The following ZNF782 variants were observed in gnomAD, a reference collection of about 807,000 sequenced individuals.
The protein encoded by ZNF782 is zinc finger protein 782.
ZNF782 carries 12 observed loss-of-function variants against 13.0 expected under a neutral mutation model. The observed-to-expected ratio is 0.92, with a 90% confidence interval of 0.59 to 1.50. The LOEUF (loss-of-function observed/expected upper bound fraction) is 1.50, where lower values mean the gene tolerates loss of function less well. ZNF782 is among the 40% of genes most tolerant of loss of function. ZNF782 has a pLI of 0.00. For synonymous variants in ZNF782, 284 were observed against 283.0 expected, an observed-to-expected ratio of 1.00 and a Z score of -0.04; for missense variants, 770 against 822.9, an observed-to-expected ratio of 0.94 and a Z score of 0.79.
chr9:96,922,826 T>C, the ZNF782 span, among the ~76,000 whole-genome samples: 1 of 150,950 alleles, frequency 6.6e-6, no homozygotes, highest in Non-Finnish European at 1.5e-5. Flanking sequence ...ACTAACCACA[T>C]GACAAAAGAC....
chr9:96,818,891 T>G lies in ZNF782; in HGVS notation c.1132A>C (p.Asn378His). 1 of 1,614,214 alleles carries G rather than the reference T, an allele frequency of 6.2e-7. No individual in the cohort carries two copies. The highest frequency in any genetic ancestry group is 8.5e-7 in the Non-Finnish European group (1 of 1,180,020). ...TTCTGAGGCCAAATCAAGTGTGAAT[T>G]CATAGAGCAGGATTTCCCACATTCA... ...YNECGKSCSM[N>H]SHLIWPQKSH... The change falls in exon 6 of 6, where the codon AAT (asparagine) becomes CAT (histidine). Residue 378 changes from asparagine (N) to histidine (H), a missense_variant. Coordinates refer to ENST00000481138, the MANE Select transcript of ZNF782 (RefSeq NM_001001662.3).
At chr9:96,835,368 T>C (rs1472554409) in intron 4 of ZNF782, among the ~76,000 whole-genome samples, 1 of 152,214 alleles carries the variant, frequency 6.6e-6, no homozygotes, top group African/African-American at 2.4e-5. Context: ...AAGATATCCA[T>C]TGATGTGGCT....
At chr9:96,843,752 T>G (rs1157511176) in intron 4 of ZNF782, among the ~76,000 whole-genome samples, 1 of 152,206 alleles carries the variant, frequency 6.6e-6, no homozygotes, top group Non-Finnish European at 1.5e-5. Context: ...CAATTTTTGC[T>G]AATTCCCATA....
intron 5 of ZNF782, among the ~76,000 whole-genome samples, chr9:96,826,337 G>A (rs1051292588): frequency 1.3e-5 from 2 of 151,848 alleles, no homozygotes; most frequent in Non-Finnish European, 2.9e-5. Flanking sequence ...CTCATAGGTG[G>A]GAATTGAACA....
the ZNF782 span, among the ~76,000 whole-genome samples, chr9:96,922,425 G>C: frequency 6.6e-6 from 1 of 152,194 alleles, no homozygotes; most frequent in Non-Finnish European, 1.5e-5. Context: ...GTCGTGGTCT[G>C]TCTTCTACTT....
In ZNF782 at chr9:96,818,700, C is replaced by A. The variant is rs1243128894; in HGVS notation, c.1323G>T (p.Gln441His). 1 of 1,613,996 alleles carries A rather than the reference C, an allele frequency of 6.2e-7. No homozygotes were observed. Among genetic ancestry groups the A allele is most frequent in the African/African-American group, 1.3e-5 (1 of 74,890 alleles). The stretch of plus-strand genomic sequence containing the variant: ...ATGGTTTCTCCCCTGTGTGGGTTCT[C>A]TGGTGTATTCTTAGGCCTGACTTTG... The part of the protein sequence containing the change: ...FSAKSGLRIH[Q>H]RTHTGEKPFE... Residue 441 changes from glutamine to histidine, a missense_variant, in exon 6 of 6, where the codon CAG (glutamine) becomes CAT (histidine). Gln to His is a conservative substitution (Grantham distance 24). Transcript: ENST00000481138.
chr9:96,847,513 A>C (rs1851375613), intron 3 of ZNF782, among the ~76,000 whole-genome samples: 1 of 152,326 alleles, frequency 6.6e-6, no homozygotes, highest in South Asian at 2.1e-4. Context: ...AATACAAAAG[A>C]TCTTTCAAGA....
chr9:96,889,566 A>C, the ZNF782 span: 1 of 152,256 alleles, frequency 6.6e-6, no homozygotes, highest in Admixed American at 6.5e-5. Context: ...CGTCCGGCTA[A>C]TTCTTTGTAT....
Position 96,819,318 on chromosome 9 carries a change from AC to A in ZNF782, c.704del (p.Ser235IlefsTer30). ...LEKAALVTSN[S>X]THPKGKSYNF... Reference sequence around the variant, plus strand: ...TGTAAGATTTTCCTTTTGGGTGGGTACTGTTAGATGTAACAAGGGCAGCCTT... The same window carrying A: ...TGTAAGATTTTCCTTTTGGGTGGGTATGTTAGATGTAACAAGGGCAGCCTT... On this transcript the variant is annotated frameshift_variant, in exon 6 of 6. Coordinates refer to ENST00000481138, the MANE Select transcript of ZNF782 (RefSeq NM_001001662.3). LOFTEE classifies it low-confidence loss of function (END_TRUNC). 1 of 1,610,630 alleles carries A rather than the reference AC, an allele frequency of 6.2e-7. No homozygotes were observed. Among genetic ancestry groups the A allele is most frequent in the East Asian group, 2.2e-5 (1 of 44,876 alleles).
the ZNF782 span, chr9:96,889,279 G>C: frequency 6.6e-6 from 1 of 152,148 alleles, no homozygotes; most frequent in Admixed American, 6.5e-5. Flanking sequence ...CATGACACCA[G>C]GAAGCAGGCA....
chr9:96,922,851 C>T, the ZNF782 span, among the ~76,000 whole-genome samples: 17,067 of 133,194 alleles, frequency 0.13, no homozygotes, highest in African/African-American at 0.19. Flanking sequence ...CGAAGAAACA[C>T]ATCTTACTGC....
the ZNF782 span, among the ~76,000 whole-genome samples, chr9:96,926,750 T>G: frequency 2.0e-5 from 3 of 152,166 alleles, no homozygotes; most frequent in South Asian, 4.1e-4. Flanking sequence ...TGCCTGCCCC[T>G]GCAGTGTGGC....
chr9:96,867,787 A>C (rs189476728), intron 1 of ZNF782, among the ~76,000 whole-genome samples: 4 of 152,326 alleles, frequency 2.6e-5, no homozygotes, highest in African/African-American at 9.6e-5. Flanking sequence ...TGGGTGCATT[A>C]GAGGCTGTCA....
chr9:96,910,908 T>A, the ZNF782 span, among the ~76,000 whole-genome samples: 1 of 150,130 alleles, frequency 6.7e-6, no homozygotes, highest in East Asian at 2.0e-4. Flanking sequence ...AGTGCTGGGA[T>A]TACAGGCGTG....
At chr9:96,869,922 T>TGTGC (rs1851804480) in intron 1 of ZNF782, among the ~76,000 whole-genome samples, 1 of 152,192 alleles carries the variant, frequency 6.6e-6, no homozygotes, top group Non-Finnish European at 1.5e-5. Context: ...TTTGCAAAAG[T>TGTGC]GTGCATTCAT....
the ZNF782 span, among the ~76,000 whole-genome samples, chr9:96,920,107 A>G: frequency 6.7e-6 from 1 of 150,246 alleles, no homozygotes; most frequent in Non-Finnish European, 1.5e-5. Context: ...AACCTGATGC[A>G]CTGCCAAAAG....
the ZNF782 span, chr9:96,892,977 GACTCTCATAAC>G: frequency 7.2e-5 from 11 of 151,774 alleles, no homozygotes; most frequent in African/African-American, 2.4e-4. Context: ...TTCAGACAGT[GACTCTCATAAC>G]ACCCTCGGAG....
At chr9:96,842,436 G>C (rs1230546094) in intron 4 of ZNF782, among the ~76,000 whole-genome samples, 1 of 151,950 alleles carries the variant, frequency 6.6e-6, no homozygotes, top group Non-Finnish European at 1.5e-5. Flanking sequence ...TACAAGTACA[G>C]CCAACTGATT....
At chr9:96,921,176 CT>C in the ZNF782 span, among the ~76,000 whole-genome samples, 368 of 134,378 alleles carry the variant, frequency 2.7e-3, 4 homozygotes, top group Non-Finnish European at 2.6e-3. Flanking sequence ...AGAGTGTGGA[CT>C]TTTTTTTTTT....
Sources: gnomAD v4.1 joint callset for allele counts (sites outside exome capture counted in the v4.1 genomes callset) on GRCh38, gnomAD v4.1.1 for gene constraint, MANE v1.5 for transcripts, NCBI Gene and HGNC (gene_info 2026-07-23, HGNC 2026-07-21) for gene names.